Variants in CCP110 observed in about 807,000 individuals in gnomAD.
CCP110 encodes centriolar coiled-coil protein of 110 kDa.
In CCP110, 43 loss-of-function variants were observed where a neutral mutation model predicts 105.5. That is an observed-to-expected ratio of 0.41 (90% CI 0.32 to 0.53). The LOEUF (loss-of-function observed/expected upper bound fraction) is 0.53, where lower values mean the gene tolerates loss of function less well. Among genes scored for constraint, CCP110 ranks in the 20% least tolerant of loss-of-function variants. The pLI is 0.32. For synonymous variants in CCP110, 353 were observed against 392.1 expected, an observed-to-expected ratio of 0.90 and a Z score of 1.18; for missense variants, 1,016 against 1,189.1, an observed-to-expected ratio of 0.85 and a Z score of 2.14.
rs555407292 is a variant in CCP110 at position 19,528,083 on chromosome 16, G to A, written c.141+61G>A. ...TAGTGAACAACTAAAACAGTTCGTG[G>A]AAAAACAAAAGAAAGGCTTATAAAC... On this transcript the variant is annotated intron_variant, in intron 2 of 14. Coordinates refer to ENST00000381396, the Ensembl canonical transcript of CCP110. The A allele has an allele frequency of 4.3e-5, 60 of 1,388,766 alleles. 1 individual carries two copies. In the South Asian group the frequency reaches 7.7e-4, roughly 18 times the overall value. 86.0% of individuals were successfully genotyped at this position (1,388,766 alleles called of 1,614,324 possible).
exon 15 of CCP110, chr16:19,551,408 T>C: frequency 2.9e-6 from 2 of 692,986 alleles, no homozygotes; most frequent in South Asian, 1.7e-5. Flanking sequence ...TGGTAATTCC[T>C]GCTCCACACC....
intron 1 of CCP110, chr16:19,526,239 C>A (rs1375013731): frequency 5.3e-5 from 8 of 152,132 alleles, no homozygotes; most frequent in Non-Finnish European, 1.2e-4. Context: ...TATTATATTT[C>A]CTTAATAATT....
chr16:19,527,807 C>A, intron 1 of CCP110, 60 bp from the exon 2 acceptor site: 2 of 1,408,520 alleles, frequency 1.4e-6, no homozygotes, highest in Non-Finnish European at 1.9e-6. Flanking sequence ...ACAAAATCTG[C>A]CAAATAATTA....
exon 15 of CCP110, chr16:19,551,461 G>A: frequency 1.7e-6 from 1 of 585,770 alleles, no homozygotes; most frequent in Non-Finnish European, 3.1e-6. Flanking sequence ...AGACAAATTA[G>A]TGTTTAGTAA....
At chr16:19,545,988 A>C in intron 11 of CCP110, 98 bp downstream of exon 11, 1 of 711,136 alleles carries the variant, frequency 1.4e-6, no homozygotes, top group Non-Finnish European at 2.4e-6. Context: ...TAAAGAGTTA[A>C]TTTTTCTGCA....
chr16:19,542,853 A>AT (rs1176685962), intron 7 of CCP110, 25 bp from the exon 8 acceptor site: 1 of 1,530,664 alleles, frequency 6.5e-7, no homozygotes, highest in Admixed American at 1.7e-5. Context: ...ACCAATAAAC[A>AT]TTGTGTCTGT....
Position 19,551,309 on chromosome 16 carries a change from G to A in CCP110, c.*61G>A, listed in dbSNP as rs139125902. ...GATTATTATTCATGTTATTTTCCCTGCCCAAGACTTTATTTAACCCTGGAC... is the reference window on the plus strand; with the variant it reads ...GATTATTATTCATGTTATTTTCCCTACCCAAGACTTTATTTAACCCTGGAC... On this transcript the variant is annotated 3_prime_UTR_variant, in exon 15 of 15. Coordinates refer to ENST00000381396, the Ensembl canonical transcript of CCP110. 1,211 of 1,349,270 alleles carry A rather than the reference G, an allele frequency of 9.0e-4. 7 individuals carry two copies. In the African/African-American group the frequency reaches 0.015, roughly 16 times the overall value. The allele number at this position is 1,349,270 out of a possible 1,614,324, so 83.6% of individuals were successfully genotyped here.
intron 4 of CCP110, 57 bp from the exon 5 acceptor site, chr16:19,540,600 A>G: frequency 7.1e-7 from 1 of 1,409,660 alleles, no homozygotes; most frequent in Non-Finnish European, 9.9e-7. Context: ...GATGGTATAA[A>G]ATATCAGACA....
In CCP110 at chr16:19,548,488, C is replaced by A. The variant is rs927019423; in HGVS notation, c.2901-27C>A. 3 of 1,398,500 alleles carry A rather than the reference C, an allele frequency of 2.1e-6. No homozygotes were observed. The highest frequency in any genetic ancestry group is 2.9e-6 in the Non-Finnish European group (3 of 1,021,864). 86.6% of individuals were successfully genotyped at this position (1,398,500 alleles called of 1,614,324 possible). A position where few individuals can be genotyped will look rare whatever the true frequency, so the allele number is the denominator to read the frequency against. On this transcript the variant is annotated intron_variant, in intron 13 of 14. Transcript: ENST00000381396. The surrounding 1 kb of genome is among the most constrained non-coding windows in gnomAD (Gnocchi z 4.1). Reference sequence around the variant, plus strand: ...AACATTTAGACCTTAATGCCAGTGACTTATTAATTTTTTTATATTCAATTA... The same window carrying A: ...AACATTTAGACCTTAATGCCAGTGAATTATTAATTTTTTTATATTCAATTA...
rs116225690 is a variant in CCP110 at position 19,535,689 on chromosome 16, G to A, written c.271-251G>A. On this transcript the variant is annotated intron_variant, in intron 3 of 14. Transcript: ENST00000381396. Reference sequence around the variant, plus strand: ...ATATGTTCATATTTGTATCAGATTAGATGTTTCTTTTTATAACTCTTTTAT... The same window carrying A: ...ATATGTTCATATTTGTATCAGATTAAATGTTTCTTTTTATAACTCTTTTAT... Among the ~76,000 whole-genome samples, 580 of 151,930 alleles carry A rather than the reference G, an allele frequency of 3.8e-3. 4 individuals are homozygous for A. Among genetic ancestry groups the A allele is most frequent in the African/African-American group, 0.014 (560 of 41,404 alleles).
At chr16:19,543,047 T>G in intron 8 of CCP110, 53 bp downstream of exon 8, 1 of 989,172 alleles carries the variant, frequency 1.0e-6, no homozygotes, top group Non-Finnish European at 1.6e-6. Context: ...TTTCTATCAG[T>G]CTTGTGACAG....
chr16:19,530,577 C>T (rs944197396), intron 2 of CCP110, among the ~76,000 whole-genome samples: 6 of 148,308 alleles, frequency 4.0e-5, no homozygotes, highest in African/African-American at 1.0e-4. Context: ...ACCCAGGAGG[C>T]GAAGGTTGCA....
At chr16:19,530,895 G>T (rs1048937456) in intron 2 of CCP110, among the ~76,000 whole-genome samples, 1 of 151,868 alleles carries the variant, frequency 6.6e-6, no homozygotes, top group Non-Finnish European at 1.5e-5. Flanking sequence ...GATCGGGATC[G>T]CACCACTGTA....
intron 1 of CCP110, chr16:19,526,448 G>T (rs1969675803): frequency 6.6e-6 from 1 of 152,096 alleles, no homozygotes; most frequent in African/African-American, 2.4e-5. Context: ...ATGCCTTAAG[G>T]TGTTTTATTG....
chr16:19,536,177 T>C, exon 4 of CCP110: 1 of 1,614,040 alleles, frequency 6.2e-7, no homozygotes, highest in Non-Finnish European at 8.5e-7. Context: ...AGGATTTAAT[T>C]CTCCGAAGCA....
At chr16:19,539,886 G>A (rs1458764284) in intron 4 of CCP110, among the ~76,000 whole-genome samples, 2 of 149,998 alleles carry the variant, frequency 1.3e-5, no homozygotes, top group South Asian at 2.1e-4. Flanking sequence ...TGCAACCTCC[G>A]CCTCCCAGGT....
At chr16:19,552,361 T>C (rs1437020574) in exon 15 of CCP110, 1 of 152,090 alleles carries the variant, frequency 6.6e-6, no homozygotes, top group Non-Finnish European at 1.5e-5. Context: ...CGAAACCCCA[T>C]CTGTACTGAA....
rs369133528 is a variant in CCP110, at chr16:19,547,941, T to A, written c.2841-14T>A. The A allele has an allele frequency of 2.5e-4, 405 of 1,588,286 alleles. No individual in the cohort carries two copies. The highest frequency in any genetic ancestry group is 3.2e-4 in the Non-Finnish European group (375 of 1,157,196). ...TAACCTATTAAATTAATTTTTCATT[T>A]AATTTGTCAACAGAGTCCTTCAGCC... On this transcript the variant is annotated splice_polypyrimidine_tract_variant and intron_variant, in intron 12 of 14. Coordinates refer to ENST00000381396, the Ensembl canonical transcript of CCP110.
chr16:19,533,940 G>A (rs1295929092), intron 3 of CCP110, among the ~76,000 whole-genome samples: 1 of 152,064 alleles, frequency 6.6e-6, no homozygotes, highest in Admixed American at 6.6e-5. Flanking sequence ...TCAGTTACTC[G>A]AAATCCCTAT....
Sources: allele counts gnomAD v4.1 joint callset (sites outside exome capture counted in the v4.1 genomes callset), GRCh38; gene constraint gnomAD v4.1.1; non-coding constraint Gnocchi (gnomAD v3.1); transcripts MANE v1.5; gene names NCBI Gene and HGNC (gene_info 2026-07-23, HGNC 2026-07-21).